TMTC2: variants seen among roughly 807,000 people sequenced by gnomAD.
TMTC2 encodes the protein transmembrane O-mannosyltransferase targeting cadherins 2.
A neutral mutation model predicts 82.4 loss-of-function variants in TMTC2; 43 were observed. That is an observed-to-expected ratio of 0.52 (90% CI 0.41 to 0.67). The LOEUF is 0.67. TMTC2 is among the 30% of genes least tolerant of loss of function. TMTC2 has a pLI of 0.00. For missense variants in TMTC2, 919 were observed against 1,012.4 expected, an observed-to-expected ratio of 0.91 and a Z score of 1.25; for synonymous variants, 408 against 381.9, an observed-to-expected ratio of 1.07 and a Z score of -0.80.
chr12:82,835,804 A>T (rs1420640720), intron 1 of TMTC2, among the ~76,000 whole-genome samples: 1 of 152,070 alleles, frequency 6.6e-6, no homozygotes, highest in East Asian at 1.9e-4. Flanking sequence ...GCCCCTTGAG[A>T]CTTCCCTCTT....
At chr12:82,778,208 A>G (rs1877697346) in intron 1 of TMTC2, among the ~76,000 whole-genome samples, 1 of 152,154 alleles carries the variant, frequency 6.6e-6, no homozygotes, top group African/African-American at 2.4e-5. Flanking sequence ...TTAAGGGCAG[A>G]GAGCATATCT....
In TMTC2 at chr12:82,714,663, C is replaced by T. The variant is rs1873810979; in HGVS notation, c.83+26994C>T. Among the ~76,000 whole-genome samples, 4 of 152,174 alleles carry T rather than the reference C, an allele frequency of 2.6e-5. No individual in the cohort carries two copies. The South Asian group carries it at 8.3e-4, about 32-fold the overall frequency. On this transcript the variant is annotated intron_variant, in intron 1 of 11. Coordinates refer to ENST00000321196, the MANE Select transcript of TMTC2 (RefSeq NM_152588.3). ...CACCTCCCTCATTTTCCTTCGCTTC[C>T]TCTCTTCCTGCTGAATTCAGGAATT... is the stretch of plus-strand genomic sequence containing the variant.
At chr12:83,103,990 G>T (rs1437826955) in intron 11 of TMTC2, among the ~76,000 whole-genome samples, 1 of 152,224 alleles carries the variant, frequency 6.6e-6, no homozygotes, top group Non-Finnish European at 1.5e-5. Context: ...TCAAATGAAA[G>T]GGACTACAGG....
Position 83,064,866 on chromosome 12 carries a change from TC to T in TMTC2, c.2331+3036del, listed in dbSNP as rs1457392643. On this transcript the variant is annotated intron_variant, in intron 11 of 11. Transcript: ENST00000321196. The stretch of plus-strand genomic sequence containing the variant: ...TTCATAAAAAACATTCTTTGTTATT[TC>T]TCTGCTTTTAACTTAATTTGTTACC... Among the ~76,000 whole-genome samples, 4 of 152,094 alleles carry T rather than the reference TC, an allele frequency of 2.6e-5. No homozygotes were observed. In the East Asian group the frequency reaches 7.7e-4, roughly 29 times the overall value.
At chr12:82,733,282 A>C (rs1874925424) in intron 1 of TMTC2, among the ~76,000 whole-genome samples, 2 of 152,240 alleles carry the variant, frequency 1.3e-5, no homozygotes, top group African/African-American at 4.8e-5. Flanking sequence ...AAATCATTAC[A>C]GATTTTACTG....
At chr12:82,916,251 T>G (rs1874993285) in intron 3 of TMTC2, among the ~76,000 whole-genome samples, 1 of 152,212 alleles carries the variant, frequency 6.6e-6, no homozygotes, top group African/African-American at 2.4e-5. Context: ...AAAATAGGTT[T>G]GTTGCCTGTG....
Position 82,896,003 on chromosome 12 carries a change from C to T in TMTC2, c.840C>T (p.Asn280=), listed in dbSNP as rs1873654094. The change falls in exon 3 of 12, where the codon AAC becomes AAT. Residue 280 remains asparagine (N), a synonymous_variant. Coordinates refer to ENST00000321196, the MANE Select transcript of TMTC2 (RefSeq NM_152588.3). ...CCTTCTTCTACTTGCCAACCAAGAA[C>T]CTCTGGCTGTTGCTATGTCCAGATA... ...TLTFFYLPTK[N]LWLLLCPDTL... 6.2e-7 allele frequency: 1 copy of T among 1,613,858 alleles called. No individual in the cohort carries two copies. The highest frequency in any genetic ancestry group is 8.5e-7 in the Non-Finnish European group (1 of 1,180,002).
At chr12:82,862,211 C>T (rs1262926203) in intron 2 of TMTC2, among the ~76,000 whole-genome samples, 1 of 152,120 alleles carries the variant, frequency 6.6e-6, no homozygotes, top group East Asian at 1.9e-4. Context: ...CTTTTATCTG[C>T]CCACAAAATT....
chr12:82,746,317 G>A (rs1038841593), intron 1 of TMTC2, among the ~76,000 whole-genome samples: 3 of 152,046 alleles, frequency 2.0e-5, no homozygotes, highest in Non-Finnish European at 4.4e-5. Flanking sequence ...TTTGAGTTAG[G>A]TATATATTTC....
intron 11 of TMTC2, among the ~76,000 whole-genome samples, chr12:83,085,823 A>G (rs530714490): frequency 9.5e-4 from 145 of 152,314 alleles, no homozygotes; most frequent in African/African-American, 3.4e-3. Flanking sequence ...CTTACAATAA[A>G]TGCTAATAAA....
intron 1 of TMTC2, among the ~76,000 whole-genome samples, chr12:82,812,347 T>TA (rs541343004): frequency 2.0e-5 from 3 of 151,890 alleles, no homozygotes; most frequent in South Asian, 2.1e-4. Context: ...CCTTGGGAAT[T>TA]AAAAAAAAGA....
intron 11 of TMTC2, among the ~76,000 whole-genome samples, chr12:83,066,735 T>G (rs1882930427): frequency 6.6e-6 from 1 of 151,960 alleles, no homozygotes; most frequent in African/African-American, 2.4e-5. Flanking sequence ...AAGATCTGAT[T>G]AAGATAATTA....
intron 9 of TMTC2, among the ~76,000 whole-genome samples, chr12:83,048,074 T>C (rs1592715682): frequency 6.6e-6 from 1 of 152,214 alleles, no homozygotes; most frequent in East Asian, 1.9e-4. Context: ...TTATCCTTTG[T>C]TTGAATACCA....
intron 4 of TMTC2, among the ~76,000 whole-genome samples, chr12:82,937,764 A>ATATGTGTG (rs1876433669): frequency 5.4e-5 from 1 of 18,682 alleles, no homozygotes; most frequent in African/African-American, 1.9e-4. Context: ...ATATATATAT[A>ATATGTGTG]TATATATATA....
chr12:83,083,243 C>A (rs1355586226), intron 11 of TMTC2, among the ~76,000 whole-genome samples: 1 of 152,212 alleles, frequency 6.6e-6, no homozygotes, highest in Non-Finnish European at 1.5e-5. Context: ...TGCCAAGCTA[C>A]ATAGACAATG....
At chr12:82,727,320 G>T (rs1021587790) in intron 1 of TMTC2, among the ~76,000 whole-genome samples, 1 of 151,724 alleles carries the variant, frequency 6.6e-6, no homozygotes, top group African/African-American at 2.4e-5. Flanking sequence ...TTTGTATTCT[G>T]CTTGTTGGGC....
intron 11 of TMTC2, among the ~76,000 whole-genome samples, chr12:83,101,727 C>G (rs1884223095): frequency 6.6e-6 from 1 of 152,110 alleles, no homozygotes; most frequent in South Asian, 2.1e-4. Flanking sequence ...TCTTCAGGGT[C>G]CAGAGATCTC....
At chr12:82,698,094 T>A (rs1405944372) in intron 1 of TMTC2, among the ~76,000 whole-genome samples, 1 of 152,186 alleles carries the variant, frequency 6.6e-6, no homozygotes, top group Non-Finnish European at 1.5e-5. Flanking sequence ...AACCTTAGCT[T>A]TAAGGCACCT....
intron 1 of TMTC2, among the ~76,000 whole-genome samples, chr12:82,756,966 A>G (rs924196371): frequency 2.0e-5 from 3 of 152,180 alleles, no homozygotes; most frequent in African/African-American, 4.8e-5. Context: ...TTAAACCTCT[A>G]TATTTTCTTA....
Sources: gnomAD v4.1 joint callset for allele counts (sites outside exome capture counted in the v4.1 genomes callset) on GRCh38, gnomAD v4.1.1 for gene constraint, MANE v1.5 for transcripts, NCBI Gene and HGNC (gene_info 2026-07-23, HGNC 2026-07-21) for gene names.